ELFN1: variants seen among roughly 807,000 people sequenced by gnomAD.
ELFN1 encodes extracellular leucine rich repeat and fibronectin type III domain containing 1, also known as protein ELFN1.
Under a neutral mutation model 7.6 loss-of-function variants are expected in ELFN1, and 6 were observed. The observed-to-expected ratio is 0.79, with a 90% CI of 0.43 to 1.56. The LOEUF is 1.56. Ranked by LOEUF, ELFN1 falls within the 40% of genes most tolerant of loss-of-function variation. The pLI is 0.01. For missense variants in ELFN1, 1,169 were observed against 1,232.2 expected, an observed-to-expected ratio of 0.95 and a Z score of 0.77; for synonymous variants, 657 against 588.1, an observed-to-expected ratio of 1.12 and a Z score of -1.70.
chr7:1,697,300 C>T (rs1418528167), intron 2 of ELFN1, among the ~76,000 whole-genome samples: 2 of 152,220 alleles, frequency 1.3e-5, no homozygotes, highest in Non-Finnish European at 2.9e-5. Context: ...GCTCGGCTGC[C>T]GCAGAGTGTG....
At chr7:1,737,094 A>G (rs533858787) in intron 3 of ELFN1, among the ~76,000 whole-genome samples, 22 of 151,654 alleles carry the variant, frequency 1.5e-4, no homozygotes, top group Middle Eastern at 3.2e-3. Flanking sequence ...TCCTGCCTTC[A>G]TGGCTCGAAC....
At chr7:1,707,548 C>T (rs1158913637) in intron 2 of ELFN1, among the ~76,000 whole-genome samples, 4 of 152,148 alleles carry the variant, frequency 2.6e-5, no homozygotes, top group Non-Finnish European at 4.4e-5. Flanking sequence ...GAAGCAGGCA[C>T]GGGCTGGGTA....
intron 3 of ELFN1, among the ~76,000 whole-genome samples, chr7:1,731,127 C>T (rs1041260244): frequency 6.6e-6 from 1 of 152,154 alleles, no homozygotes; most frequent in Non-Finnish European, 1.5e-5. Context: ...AATTTAGGAT[C>T]ATTATGAAAA....
chr7:1,680,156 TG>T (rs945366439), intron 1 of ELFN1, among the ~76,000 whole-genome samples: 2 of 152,246 alleles, frequency 1.3e-5, no homozygotes, highest in Non-Finnish European at 2.9e-5. Flanking sequence ...GGTGTTATCC[TG>T]GGAGTAGCCT....
intron 2 of ELFN1, among the ~76,000 whole-genome samples, chr7:1,706,955 C>G (rs1251945029): frequency 2.0e-5 from 3 of 152,168 alleles, no homozygotes; most frequent in Non-Finnish European, 4.4e-5. Flanking sequence ...ATTGAGTGTG[C>G]ATGCCTCTGT....
chr7:1,691,846 C>G (rs1300187066), intron 2 of ELFN1: 1 of 152,288 alleles, frequency 6.6e-6, no homozygotes, highest in Non-Finnish European at 1.5e-5. Context: ...TGGACCTTCA[C>G]AGCTCATTAA....
At chr7:1,697,408 A>C (rs1207331146) in intron 2 of ELFN1, among the ~76,000 whole-genome samples, 1 of 152,028 alleles carries the variant, frequency 6.6e-6, no homozygotes, top group Non-Finnish European at 1.5e-5. Context: ...TGCTGGGAGC[A>C]CCCTGGGGCC....
At position 1,736,985 on chromosome 7, in the gene ELFN1, C is replaced by G. The variant is rs370732487; in HGVS notation, c.-293-7319C>G. On this transcript the variant is annotated intron_variant, in intron 3 of 3. Transcript: ENST00000424383. Reference sequence around the variant, plus strand: ...CAGGCTCCTCTCCCAGCACTCAAGCCCTTCCACCTGCCCCCAGCTACCCCT... The same window carrying G: ...CAGGCTCCTCTCCCAGCACTCAAGCGCTTCCACCTGCCCCCAGCTACCCCT... Among the ~76,000 whole-genome samples, 85 of 152,254 alleles carry G rather than the reference C, an allele frequency of 5.6e-4. 1 individual carries two copies. In the South Asian group the frequency reaches 0.017, roughly 30 times the overall value.
At chr7:1,697,386 G>T (rs1779340307) in intron 2 of ELFN1, among the ~76,000 whole-genome samples, 1 of 152,220 alleles carries the variant, frequency 6.6e-6, no homozygotes, top group African/African-American at 2.4e-5. Context: ...GGCCTGTGCA[G>T]GGAGGAGCCG....
chr7:1,740,986 C>T lies in ELFN1; in HGVS notation c.-293-3318C>T, dbSNP rs567707483. Among the ~76,000 whole-genome samples the T allele has an allele frequency of 5.3e-5, 8 of 152,194 alleles. No homozygotes were observed. In the South Asian group the frequency reaches 8.3e-4, roughly 16 times the overall value. On this transcript the variant is annotated intron_variant, in intron 3 of 3. Transcript: ENST00000424383. This position sits in a 1 kb window ranked among gnomAD's most constrained non-coding sequence, Gnocchi z 5.0. ...CTCTACTAAAAGTACAAAAATTAGC[C>T]GGGCATGGTGGTGTGTGCCTATAAT...
At chr7:1,675,272 G>T (rs115921231) in intron 1 of ELFN1, among the ~76,000 whole-genome samples, 6 of 152,194 alleles carry the variant, frequency 3.9e-5, no homozygotes, top group African/African-American at 1.4e-4. Context: ...AGTGCTGACC[G>T]CGCTGAGAGC....
intron 2 of ELFN1, among the ~76,000 whole-genome samples, chr7:1,707,162 G>T (rs1283573499): frequency 6.6e-6 from 1 of 152,250 alleles, no homozygotes; most frequent in Non-Finnish European, 1.5e-5. Flanking sequence ...TGCAGAGCCC[G>T]CTCCCAAGGG....
chr7:1,666,068 A>G (rs1583298275), upstream of ELFN1, among the ~76,000 whole-genome samples: 1 of 150,174 alleles, frequency 6.7e-6, no homozygotes, highest in East Asian at 2.0e-4. The surrounding 1 kb of genome is among the most constrained non-coding windows in gnomAD (Gnocchi z 7.9). Flanking sequence ...AGGAGGAAGG[A>G]GGGGAAGCCG....
chr7:1,711,590 GA>G (rs1779655904), intron 3 of ELFN1, among the ~76,000 whole-genome samples: 2 of 143,682 alleles, frequency 1.4e-5, no homozygotes, highest in South Asian at 4.5e-4. Flanking sequence ...GAGAGAGAGA[GA>G]GAGAGAGAGA....
chr7:1,684,644 G>T (rs1044044310), intron 1 of ELFN1, among the ~76,000 whole-genome samples: 15 of 151,882 alleles, frequency 9.9e-5, no homozygotes, highest in Non-Finnish European at 2.9e-5. Context: ...CTTATTGGTT[G>T]CCTTAGGGAC....
chr7:1,704,905 C>T (rs1284027933), intron 2 of ELFN1, among the ~76,000 whole-genome samples: 3 of 152,100 alleles, frequency 2.0e-5, no homozygotes, highest in South Asian at 4.2e-4. Flanking sequence ...ATGGAGCTCC[C>T]GGCTGGAGAG....
Position 1,746,600 on chromosome 7 carries a change from G to A in ELFN1, c.2004G>A (p.Lys668=). 1 of 1,349,304 alleles carries A rather than the reference G, an allele frequency of 7.4e-7. No homozygotes were observed. Among genetic ancestry groups the A allele is most frequent in the East Asian group, 3.3e-5 (1 of 30,542 alleles). The allele number at this position is 1,349,304 out of a possible 1,614,324, so 83.6% of individuals were successfully genotyped here. The change falls in exon 4 of 4, where the codon AAG becomes AAA. Residue 668 remains lysine (K), a synonymous_variant. Transcript: ENST00000424383. The part of the protein sequence containing the change: ...GVHKAAAAEA[K]YIEKGSPAAD... ...ACAAGGCCGCGGCCGCCGAGGCCAAGTACATCGAGAAGGGCTCCCCCGCGG... is the reference window on the plus strand; with the variant it reads ...ACAAGGCCGCGGCCGCCGAGGCCAAATACATCGAGAAGGGCTCCCCCGCGG...
intron 3 of ELFN1, among the ~76,000 whole-genome samples, chr7:1,736,202 A>G (rs536821330): frequency 2.6e-5 from 4 of 152,338 alleles, no homozygotes; most frequent in South Asian, 2.1e-4. Flanking sequence ...AGCAGTAAAC[A>G]TGATCTATCG....
At chr7:1,726,375 A>C (rs898561774) in intron 3 of ELFN1, among the ~76,000 whole-genome samples, 1 of 152,188 alleles carries the variant, frequency 6.6e-6, no homozygotes, top group Non-Finnish European at 1.5e-5. Context: ...AAATGAGAAG[A>C]TCTATTTATA....
Sources: allele counts gnomAD v4.1 joint callset (sites outside exome capture counted in the v4.1 genomes callset), GRCh38; gene constraint gnomAD v4.1.1; non-coding constraint Gnocchi (gnomAD v3.1); transcripts MANE v1.5; gene names NCBI Gene and HGNC (gene_info 2026-07-23, HGNC 2026-07-21).